The following PTPRT variants were observed in gnomAD, a reference collection of about 807,000 sequenced individuals.
The protein encoded by PTPRT is receptor-type tyrosine-protein phosphatase T.
A neutral mutation model predicts 176.8 loss-of-function variants in PTPRT; 56 were observed. The observed-to-expected ratio is 0.32, with a 90% CI of 0.26 to 0.40. The LOEUF (loss-of-function observed/expected upper bound fraction) is 0.40. Among genes scored for constraint, PTPRT ranks in the 10% least tolerant of loss-of-function variants. The pLI, the probability that PTPRT is intolerant of heterozygous loss-of-function variation, is 1.00. For missense variants in PTPRT, 1,540 were observed against 1,908.2 expected, an observed-to-expected ratio of 0.81 and a Z score of 3.60; for synonymous variants, 783 against 739.0, an observed-to-expected ratio of 1.06 and a Z score of -0.96.
intron 4 of PTPRT, among the ~76,000 whole-genome samples, chr20:42,777,199 T>C (rs1436420244): frequency 7.5e-6 from 1 of 133,280 alleles, no homozygotes; most frequent in African/African-American, 2.5e-5. Context: ...CAGCAGAGCC[T>C]CCCTGCCCTT....
chr20:42,918,476 T>G (rs1183967146), intron 1 of PTPRT, among the ~76,000 whole-genome samples: 1 of 152,174 alleles, frequency 6.6e-6, no homozygotes, highest in Non-Finnish European at 1.5e-5. Context: ...TTAGTCAGGC[T>G]TCACTCCTTC....
intron 5 of PTPRT, among the ~76,000 whole-genome samples, chr20:42,757,052 T>TA (rs554308907): frequency 0.015 from 1,819 of 118,514 alleles, 15 homozygotes; most frequent in East Asian, 0.033. Context: ...CCTGCCTCTT[T>TA]AAAAAAAAAA....
intron 9 of PTPRT, among the ~76,000 whole-genome samples, chr20:42,439,253 TTG>T (rs1340586030): frequency 6.6e-6 from 1 of 152,174 alleles, no homozygotes; most frequent in Non-Finnish European, 1.5e-5. Flanking sequence ...ATCTATTGTT[TTG>T]TGTGTGCACA....
At chr20:42,819,790 A>G (rs2145650447) in intron 2 of PTPRT, among the ~76,000 whole-genome samples, 1 of 152,286 alleles carries the variant, frequency 6.6e-6, no homozygotes, top group Admixed American at 6.5e-5. Flanking sequence ...TCTGATAAAA[A>G]AGACTTTAAA....
chr20:43,141,287 C>G (rs2146400472), intron 1 of PTPRT, among the ~76,000 whole-genome samples: 1 of 152,310 alleles, frequency 6.6e-6, no homozygotes, highest in South Asian at 2.1e-4. Flanking sequence ...CTGAGCTAGG[C>G]CCAGTCGGGC....
At chr20:42,848,679 CTAATT>C (rs1388647543) in intron 2 of PTPRT, among the ~76,000 whole-genome samples, 4 of 150,900 alleles carry the variant, frequency 2.7e-5, no homozygotes, top group East Asian at 1.9e-4. Flanking sequence ...ATTTTTTTTT[CTAATT>C]TGAGTTCCTC....
chr20:42,187,210 G>A (rs1407999304), intron 16 of PTPRT, among the ~76,000 whole-genome samples: 1 of 152,100 alleles, frequency 6.6e-6, no homozygotes, highest in Non-Finnish European at 1.5e-5. Context: ...TATTTCATGG[G>A]CTTTTTGAGA....
chr20:42,274,536 AGTGTGTGTGT>A (rs529883269), intron 13 of PTPRT, among the ~76,000 whole-genome samples: 92 of 113,336 alleles, frequency 8.1e-4, no homozygotes, highest in East Asian at 6.7e-3. Context: ...GGCCCTGTAC[AGTGTGTGTGT>A]GTGTGTGTGT....
chr20:42,363,778 G>A (rs1568813606), intron 9 of PTPRT, among the ~76,000 whole-genome samples: 1 of 152,068 alleles, frequency 6.6e-6, no homozygotes, highest in Admixed American at 6.6e-5. Context: ...GACTTAAGGG[G>A]AGCAACTTCC....
chr20:43,052,144 A>G (rs893542523), intron 1 of PTPRT, among the ~76,000 whole-genome samples: 1 of 152,242 alleles, frequency 6.6e-6, no homozygotes, highest in African/African-American at 2.4e-5. Context: ...CCCTGAAGAC[A>G]GCCCAGGCTT....
intron 7 of PTPRT, among the ~76,000 whole-genome samples, chr20:42,677,186 G>A (rs896505650): frequency 6.6e-6 from 1 of 152,080 alleles, no homozygotes; most frequent in Non-Finnish European, 1.5e-5. Context: ...TTAAGACATG[G>A]TTGGCAACAG....
At chr20:42,707,837 A>C (rs183564032) in intron 6 of PTPRT, among the ~76,000 whole-genome samples, 187 of 152,322 alleles carry the variant, frequency 1.2e-3, no homozygotes, top group African/African-American at 4.4e-3. Context: ...CAGTGTCTCC[A>C]GATGAAAATT....
At chr20:42,448,934 A>C (rs1436526682) in intron 8 of PTPRT, among the ~76,000 whole-genome samples, 1 of 152,152 alleles carries the variant, frequency 6.6e-6, no homozygotes, top group Non-Finnish European at 1.5e-5. Flanking sequence ...GCCACATTCA[A>C]AGCCATCCTG....
chr20:42,282,343 A>G (rs1165776862), intron 13 of PTPRT, 146 bp downstream of exon 13: 1 of 749,774 alleles, frequency 1.3e-6, no homozygotes, highest in Non-Finnish European at 2.2e-6. Flanking sequence ...CCTAGAATGT[A>G]TGTTCTAGAT....
the PTPRT span, among the ~76,000 whole-genome samples, chr20:42,050,864 C>T: frequency 2.0e-5 from 3 of 152,180 alleles, no homozygotes; most frequent in Non-Finnish European, 4.4e-5. Context: ...CTGGCTATTA[C>T]TGACATGTCA....
At chr20:42,801,273 G>A (rs2077526928) in intron 2 of PTPRT, among the ~76,000 whole-genome samples, 1 of 152,080 alleles carries the variant, frequency 6.6e-6, no homozygotes, top group African/African-American at 2.4e-5. Context: ...ATACCAGGTG[G>A]AAGGGGTCCC....
intron 7 of PTPRT, among the ~76,000 whole-genome samples, chr20:42,613,042 A>C (rs2074000627): frequency 1.3e-5 from 2 of 152,240 alleles, no homozygotes; most frequent in African/African-American, 2.4e-5. Context: ...TCTGCTTTTT[A>C]AAAAGATTTT....
At chr20:42,685,167 G>C (rs1404511473) in intron 6 of PTPRT, among the ~76,000 whole-genome samples, 1 of 152,188 alleles carries the variant, frequency 6.6e-6, no homozygotes, top group Non-Finnish European at 1.5e-5. Context: ...CCAGTCCCAA[G>C]AGTTTTATAG....
chr20:42,058,893 C>A, the PTPRT span, among the ~76,000 whole-genome samples: 59,363 of 151,996 alleles, frequency 0.39, 13,506 homozygotes, highest in African/African-American at 0.64. Flanking sequence ...AAGGATTGAC[C>A]TACTCTTCAG....
Sources: gnomAD v4.1 joint callset for allele counts (sites outside exome capture counted in the v4.1 genomes callset) on GRCh38, gnomAD v4.1.1 for gene constraint, MANE v1.5 for transcripts, NCBI Gene and HGNC (gene_info 2026-07-23, HGNC 2026-07-21) for gene names.